Variants in TSTD2 observed in about 807,000 individuals in gnomAD.
TSTD2 encodes the protein thiosulfate sulfurtransferase/rhodanese-like domain-containing protein 2.
TSTD2 carries 37 observed loss-of-function variants against 47.9 expected under a neutral mutation model. The ratio of observed to expected loss-of-function variants is 0.77; its 90% CI spans 0.59 to 1.02. The LOEUF is 1.02. Among genes scored for constraint, TSTD2 ranks in the 50% least tolerant of loss-of-function variants. TSTD2 has a pLI of 0.00. For missense variants in TSTD2, 586 were observed against 616.0 expected (o/e 0.95, Z 0.52); for synonymous variants, 201 against 215.9 (o/e 0.93, Z 0.61).
chr9:97,627,060 G>A (rs536151059), intron 2 of TSTD2, among the ~76,000 whole-genome samples: 1 of 151,792 alleles, frequency 6.6e-6, no homozygotes, highest in African/African-American at 2.4e-5. Flanking sequence ...TTACTGATAC[G>A]TGTTTTTAGT....
intron 4 of TSTD2, among the ~76,000 whole-genome samples, chr9:97,612,478 TC>T (rs1443927059): frequency 6.6e-6 from 1 of 152,256 alleles, no homozygotes; most frequent in Non-Finnish European, 1.5e-5. Context: ...GTATAAGTAT[TC>T]CTTTTTCTCT....
Position 97,600,219 on chromosome 9 carries a change from G to C in TSTD2, c.*2250C>G. 2.0e-6 allele frequency: 2 copies of C among 993,996 alleles called. No individual in the cohort carries two copies. Among genetic ancestry groups the C allele is most frequent in the Non-Finnish European group, 2.4e-6 (2 of 834,208 alleles). The allele number at this position is 993,996 out of a possible 1,614,324, so 61.6% of individuals were successfully genotyped here. ...GTTGCCAAATTGATTACTGGATCCA[G>C]AACACAATTTTCCCCTCAGAACAGA... On this transcript the variant is annotated 3_prime_UTR_variant, in exon 10 of 10. Transcript: ENST00000341170.
At chr9:97,606,812 G>A (rs142986171) in intron 6 of TSTD2, among the ~76,000 whole-genome samples, 3 of 152,288 alleles carry the variant, frequency 2.0e-5, no homozygotes, top group East Asian at 1.9e-4. Flanking sequence ...CATTTTTAAT[G>A]CAAAGGAGCA....
chr9:97,626,049 C>CT (rs1826715292), intron 2 of TSTD2, 52 bp from the exon 3 acceptor site: 1 of 1,502,426 alleles, frequency 6.7e-7, no homozygotes, highest in South Asian at 1.3e-5. Context: ...AGGTTTATGG[C>CT]TAATAGAAGT....
At chr9:97,622,944 A>G (rs1240609787) in intron 3 of TSTD2, among the ~76,000 whole-genome samples, 1 of 152,250 alleles carries the variant, frequency 6.6e-6, no homozygotes, top group African/African-American at 2.4e-5. Context: ...CTCAGATGAC[A>G]TTTCAGACTG....
intron 1 of TSTD2, among the ~76,000 whole-genome samples, chr9:97,631,019 A>G (rs1248159392): frequency 6.6e-6 from 1 of 152,244 alleles, no homozygotes; most frequent in East Asian, 1.9e-4. Context: ...AGTCTTCCTT[A>G]TCTGAGTAAA....
intron 4 of TSTD2, among the ~76,000 whole-genome samples, chr9:97,613,900 C>G (rs1380010546): frequency 6.7e-6 from 1 of 150,024 alleles, no homozygotes; most frequent in Non-Finnish European, 1.5e-5. Context: ...GCAATCTCGG[C>G]TCACTGCAAG....
intron 1 of TSTD2, among the ~76,000 whole-genome samples, chr9:97,629,639 C>G (rs1478851119): frequency 6.6e-6 from 1 of 152,228 alleles, no homozygotes; most frequent in Admixed American, 6.5e-5. Context: ...TAACTCTACA[C>G]AAACCTGTAA....
chr9:97,602,690 AG>A lies in TSTD2; in HGVS notation c.1329del (p.Cys444AlafsTer57). The A allele has an allele frequency of 6.2e-7, 1 of 1,614,232 alleles. No individual in the cohort carries two copies. Among genetic ancestry groups the A allele is most frequent in the Non-Finnish European group, 8.5e-7 (1 of 1,180,038 alleles). Reference sequence around the variant, plus strand: ...AATCCTTGTCCTTGACAGGCAGGGCAGGTCAAAACGAGCTGGCGGCACTGGG... The same window carrying A: ...AATCCTTGTCCTTGACAGGCAGGGCAGTCAAAACGAGCTGGCGGCACTGGG... ...STPQCRQLVL[T>X]CPACQGQGFT... is the part of the protein sequence containing the mutation. On this transcript the variant is annotated frameshift_variant, in exon 10 of 10. Transcript: ENST00000341170. LOFTEE classifies it low-confidence loss of function (END_TRUNC).
chr9:97,605,331 G>A lies in TSTD2; in HGVS notation c.1113+152C>T, dbSNP rs532181036. 13 of 852,296 alleles carry A rather than the reference G, an allele frequency of 1.5e-5. 1 individual carries two copies. Among genetic ancestry groups the A allele is most frequent in the Middle Eastern group, 3.6e-4 (1 of 2,758 alleles). The allele number at this position is 852,296 out of a possible 1,614,324, so 52.8% of individuals were successfully genotyped here. A position where few individuals can be genotyped will look rare whatever the true frequency, so the allele number is the denominator to read the frequency against. On this transcript the variant is annotated intron_variant, in intron 8 of 9. Transcript: ENST00000341170. The stretch of plus-strand genomic sequence containing the variant: ...AAAGACCCTCAGATTTTGTACTTAC[G>A]AACTCCATGCTGGAGCCATACGAGG...
chr9:97,616,365 TGAAA>T (rs938792561), intron 4 of TSTD2, among the ~76,000 whole-genome samples: 16 of 152,170 alleles, frequency 1.1e-4, no homozygotes, highest in Admixed American at 9.2e-4. Context: ...TGGCAGCCAC[TGAAA>T]GAGTTTGAGG....
chr9:97,600,966 G>A lies in TSTD2; in HGVS notation c.*1503C>T. 1 of 1,158,484 alleles carries A rather than the reference G, an allele frequency of 8.6e-7. No homozygotes were observed. Among genetic ancestry groups the A allele is most frequent in the Non-Finnish European group, 1.1e-6 (1 of 914,370 alleles). The allele number at this position is 1,158,484 out of a possible 1,614,324, so 71.8% of individuals were successfully genotyped here. A position where few individuals can be genotyped will look rare whatever the true frequency, so the allele number is the denominator to read the frequency against. On this transcript the variant is annotated 3_prime_UTR_variant, in exon 10 of 10. Coordinates refer to ENST00000341170, the MANE Select transcript of TSTD2 (RefSeq NM_139246.5). The stretch of plus-strand genomic sequence containing the variant: ...CATTAGTGATTTCAGCAAATCTCAT[G>A]ATAAAGGACAAGGTCAAGAACTCCA...
At position 97,602,102 on chromosome 9, in the gene TSTD2, G is replaced by GTGTT. The variant is rs2131302808; in HGVS notation, c.*363_*366dup. On this transcript the variant is annotated 3_prime_UTR_variant, in exon 10 of 10. Coordinates refer to ENST00000341170, the MANE Select transcript of TSTD2 (RefSeq NM_139246.5). ...CCACTCCCAGGGCCACAGCTTTCATGTGTTTGCCACCAGGGTAGAAGGTCT... is the reference window on the plus strand; with the variant it reads ...CCACTCCCAGGGCCACAGCTTTCATGTGTTTGTTTGCCACCAGGGTAGAAGGTCT... The GTGTT allele has an allele frequency of 5.4e-6, 1 of 185,270 alleles. No individual in the cohort carries two copies. The highest frequency in any genetic ancestry group is 6.1e-5 in the Admixed American group (1 of 16,290). 11.5% of individuals were successfully genotyped at this position (185,270 alleles called of 1,614,324 possible).
intron 6 of TSTD2, chr9:97,610,108 A>T (rs1826432228): frequency 3.0e-6 from 1 of 335,610 alleles, no homozygotes; most frequent in African/African-American, 2.1e-5. Flanking sequence ...AGAGCAAACA[A>T]CTAATTGATA....
In TSTD2 at chr9:97,600,911, T is replaced by C. The variant is rs1006948835; in HGVS notation, c.*1558A>G. 8.6e-6 allele frequency: 10 copies of C among 1,157,604 alleles called. No homozygotes were observed. The Admixed American group carries it at 2.1e-4, about 24-fold the overall frequency. The allele number at this position is 1,157,604 out of a possible 1,614,324, so 71.7% of individuals were successfully genotyped here. On this transcript the variant is annotated 3_prime_UTR_variant, in exon 10 of 10. Coordinates refer to ENST00000341170, the MANE Select transcript of TSTD2 (RefSeq NM_139246.5). ...TACCACAGTGCCAGTTAAACTAATA[T>C]TTTTGTTTGTTGCTTTTGGGAGTTA...
At chr9:97,631,680 C>G (rs2131320671) in intron 1 of TSTD2, among the ~76,000 whole-genome samples, 1 of 152,274 alleles carries the variant, frequency 6.6e-6, no homozygotes, top group East Asian at 1.9e-4. Context: ...CCCATCTCTA[C>G]TAAAAATATA....
At chr9:97,627,656 T>A in intron 1 of TSTD2, 44 bp from the exon 2 acceptor site, 2 of 1,287,578 alleles carry the variant, frequency 1.6e-6, no homozygotes, top group Non-Finnish European at 2.1e-6. Context: ...ATTCTTTGAT[T>A]TCTTGAAGAA....
At chr9:97,614,425 C>T (rs1466998503) in intron 4 of TSTD2, among the ~76,000 whole-genome samples, 3 of 150,144 alleles carry the variant, frequency 2.0e-5, no homozygotes, top group Admixed American at 6.6e-5. Context: ...TACTGAGGGT[C>T]TACTACATGC....
intron 6 of TSTD2, among the ~76,000 whole-genome samples, chr9:97,608,559 C>T (rs568378683): frequency 5.9e-5 from 9 of 152,248 alleles, no homozygotes; most frequent in African/African-American, 1.7e-4. Flanking sequence ...TCGCTTGAAC[C>T]CCGGGGGAAA....
Sources: gnomAD v4.1 joint callset for allele counts (sites outside exome capture counted in the v4.1 genomes callset) on GRCh38, gnomAD v4.1.1 for gene constraint, MANE v1.5 for transcripts, NCBI Gene and HGNC (gene_info 2026-07-23, HGNC 2026-07-21) for gene names.